KMT2D: variants seen among roughly 807,000 people sequenced by gnomAD.
The protein encoded by KMT2D is histone-lysine N-methyltransferase 2D.
KMT2D carries 55 observed loss-of-function variants against 512.7 expected under a neutral mutation model. The observed-to-expected ratio is 0.11, with a 90% CI of 0.09 to 0.13. The LOEUF (loss-of-function observed/expected upper bound fraction) is 0.13. Among genes scored for constraint, KMT2D ranks in the 10% least tolerant of loss-of-function variants. KMT2D has a pLI of 1.00. For synonymous variants in KMT2D, 2,995 were observed against 2,904.0 expected (o/e 1.03, Z -1.01); for missense variants, 6,061 against 7,127.9 (o/e 0.85, Z 5.39).
chr12:49,033,738 C>T lies in KMT2D; in HGVS notation c.10967G>A (p.Arg3656His), dbSNP rs1232636989. 8 of 1,613,290 alleles carry T rather than the reference C, an allele frequency of 5.0e-6. No homozygotes were observed. Among genetic ancestry groups the T allele is most frequent in the East Asian group, 4.5e-5 (2 of 44,864 alleles). Residue 3656 changes from arginine (R) to histidine (H), a missense_variant, in exon 40 of 55, where the codon CGC (arginine) becomes CAC (histidine). Physicochemically the swap from Arg to His is conservative, Grantham distance 29. Transcript: ENST00000301067. ...TAGTGCCATACCCCCAGGGGTCAGG[C>T]GAAGACCTCCGGCTTGCCCACCCGG... Reference protein sequence around the residue: ...GPPGGQAGGLRLTPGGMALPG... With the variant: ...GPPGGQAGGLHLTPGGMALPG...
At position 49,028,079 on chromosome 12, in the gene KMT2D, A is replaced by G; in HGVS notation, c.14445T>C (p.Tyr4815=). The G allele has an allele frequency of 1.2e-6, 2 of 1,613,822 alleles. No homozygotes were observed. Among genetic ancestry groups the G allele is most frequent in the Non-Finnish European group, 1.7e-6 (2 of 1,179,834 alleles). Residue 4815 remains tyrosine, a synonymous_variant, in exon 47 of 55, where the codon TAT becomes TAC. Coordinates refer to ENST00000301067, the MANE Select transcript of KMT2D (RefSeq NM_003482.4). The stretch of plus-strand genomic sequence containing the variant: ...CGGGGCTCTCTGGGAACAGCACCTC[A>G]TAGGAGTTGGGGATCTTCATGCTCA... The part of the protein sequence containing the change: ...ELLSMKIPNS[Y]EVLFPESPAR...
chr12:49,040,236 T>C lies in KMT2D; in HGVS notation c.7534A>G (p.Ser2512Gly), dbSNP rs2120524828. 1 of 1,612,880 alleles carries C rather than the reference T, an allele frequency of 6.2e-7. No individual in the cohort carries two copies. Among genetic ancestry groups the C allele is most frequent in the Non-Finnish European group, 8.5e-7 (1 of 1,179,540 alleles). Reference protein sequence around the residue: ...PAGELHAKVPSGQPPNFVRSP... With the variant: ...PAGELHAKVPGGQPPNFVRSP... ...CGGACAAAATTGGGGGGCTGCCCACTTGGGACCTTGGCATGGAGCTCACCT... is the reference window on the plus strand; with the variant it reads ...CGGACAAAATTGGGGGGCTGCCCACCTGGGACCTTGGCATGGAGCTCACCT... Residue 2512 changes from serine (S) to glycine (G), a missense_variant, in exon 32 of 55, where the codon AGT becomes GGT. By Grantham distance (56) the Ser-to-Gly change is moderately conservative. Around this residue, in one of 16 missense-constraint regions of KMT2D, gnomAD observed 710 missense variants for 647.3 expected, o/e 1.10. Coordinates refer to ENST00000301067, the MANE Select transcript of KMT2D (RefSeq NM_003482.4).
Position 49,040,780 on chromosome 12 carries a change from G to C in KMT2D, c.6990C>G (p.Pro2330=), listed in dbSNP as rs533716096. 4 of 1,613,526 alleles carry C rather than the reference G, an allele frequency of 2.5e-6. No homozygotes were observed. The highest frequency in any genetic ancestry group is 3.4e-6 in the Non-Finnish European group (4 of 1,179,746). Residue 2330 remains proline (P), a synonymous_variant, in exon 32 of 55, where the codon CCC becomes CCG. Coordinates refer to ENST00000301067, the MANE Select transcript of KMT2D (RefSeq NM_003482.4). Reference sequence around the variant, plus strand: ...CTACCTGAGATGCCCGAGGGGTCAGGGGGGCTTTGAAGACATCAGGTGTCT... The same window carrying C: ...CTACCTGAGATGCCCGAGGGGTCAGCGGGGCTTTGAAGACATCAGGTGTCT... The part of the protein sequence containing the change: ...ELKTPDVFKA[P]LTPRASQVEP...
chr12:49,040,208 G>A lies in KMT2D; in HGVS notation c.7562C>T (p.Ser2521Phe), dbSNP rs1943439812. Residue 2521 changes from serine to phenylalanine, a missense_variant, in exon 32 of 55, where the codon TCC (serine) becomes TTC (phenylalanine). This residue lies in a region of KMT2D where 710 missense variants were observed against 647.3 expected (regional missense o/e 1.10). Coordinates refer to ENST00000301067, the MANE Select transcript of KMT2D (RefSeq NM_003482.4). ...PSGQPPNFVR[S>F]PGTGAFVGTP... The stretch of plus-strand genomic sequence containing the variant: ...GCCCACAAATGCACCCGTCCCAGGG[G>A]ACCGGACAAAATTGGGGGGCTGCCC... 1 of 1,613,392 alleles carries A rather than the reference G, an allele frequency of 6.2e-7. No individual in the cohort carries two copies. Among genetic ancestry groups the A allele is most frequent in the Non-Finnish European group, 8.5e-7 (1 of 1,179,684 alleles).
Position 49,040,917 on chromosome 12 carries a change from G to T in KMT2D, c.6853C>A (p.Leu2285Ile). The change falls in exon 32 of 55, where the codon CTA (leucine) becomes ATA (isoleucine). Residue 2285 changes from leucine (L) to isoleucine (I), a missense_variant. This residue lies in a region of KMT2D where 710 missense variants were observed against 647.3 expected (regional missense o/e 1.10). Transcript: ENST00000301067. ...CCAAGCTCTTCCTTCTTCACCTCTA[G>T]GGCCTTCCGGGACTCCCCAAAAGGT... is the stretch of plus-strand genomic sequence containing the variant. ...PPPFGESRKA[L>I]EVKKEELGAS... 6.2e-7 allele frequency: 1 copy of T among 1,613,816 alleles called. No individual in the cohort carries two copies. The highest frequency in any genetic ancestry group is 1.1e-5 in the South Asian group (1 of 91,088).
In KMT2D at chr12:49,032,006, C is replaced by G. The variant is rs772782391; in HGVS notation, c.12699G>C (p.Gln4233His). Reference protein sequence around the residue: ...QALLMQRQLQQSQAVRQTPPY... With the variant: ...QALLMQRQLQHSQAVRQTPPY... ...GTGGGGTCTGGCGTACTGCCTGACT[C>G]TGCTGCAGCTGCCGCTGCATGAGGA... The change falls in exon 40 of 55, where the codon CAG becomes CAC. Residue 4233 changes from glutamine to histidine, a missense_variant. By Grantham distance (24) the Gln-to-His change is conservative. Transcript: ENST00000301067. 1.9e-6 allele frequency: 3 copies of G among 1,605,566 alleles called. No homozygotes were observed. In the Admixed American group the frequency reaches 5.0e-5, roughly 27 times the overall value.
intron 2 of KMT2D, 37 bp from the exon 3 acceptor site, chr12:49,055,063 T>C (rs200432853): frequency 1.2e-6 from 2 of 1,610,344 alleles, no homozygotes; most frequent in African/African-American, 2.7e-5. Context: ...TCAGCCATCA[T>C]CCCTATTTAA....
chr12:49,057,364 G>A (rs1275101352), intron 1 of KMT2D, among the ~76,000 whole-genome samples: 2 of 152,234 alleles, frequency 1.3e-5, no homozygotes, highest in African/African-American at 4.8e-5. Flanking sequence ...TGATAATACA[G>A]TGGGTAGGAG....
chr12:49,041,141 G>A lies in KMT2D; in HGVS notation c.6629C>T (p.Pro2210Leu), dbSNP rs201190869. 2.1e-3 allele frequency: 3,155 copies of A among 1,525,190 alleles called. 11 individuals are homozygous for A. Among genetic ancestry groups the A allele is most frequent in the Non-Finnish European group, 2.0e-3 (2,283 of 1,140,162 alleles). The allele number at this position is 1,525,190 out of a possible 1,614,324, so 94.5% of individuals were successfully genotyped here. ...AGGACGAGATGAGGCGCCCAGCATC[G>A]GGGGCTGCGCAGGGGCCCCCGTAGG... ...PSPTGAPAQP[P>L]MLGASSRPGA... The change falls in exon 32 of 55, where the codon CCG becomes CTG. Residue 2210 changes from proline (P) to leucine (L), a missense_variant. Pro to Leu is a moderately conservative substitution (Grantham distance 98, BLOSUM62 -3). This residue lies in a region of KMT2D where 710 missense variants were observed against 647.3 expected (regional missense o/e 1.10). Coordinates refer to ENST00000301067, the MANE Select transcript of KMT2D (RefSeq NM_003482.4). The surrounding 1 kb of genome is among the most constrained non-coding windows in gnomAD (Gnocchi z 5.4).
chr12:49,026,296 G>T lies in KMT2D; in HGVS notation c.15670C>A (p.Arg5224Ser), dbSNP rs778198600. The T allele has an allele frequency of 1.9e-6, 3 of 1,611,976 alleles. No homozygotes were observed. Among genetic ancestry groups the T allele is most frequent in the Middle Eastern group, 1.7e-4 (1 of 6,058 alleles). Residue 5224 changes from arginine to serine, a missense_variant, in exon 49 of 55, where the codon CGT (arginine) becomes AGT (serine). By Grantham distance (110) the Arg-to-Ser change is moderately radical (BLOSUM62 -1). Coordinates refer to ENST00000301067, the MANE Select transcript of KMT2D (RefSeq NM_003482.4). The surrounding 1 kb of genome is among the most constrained non-coding windows in gnomAD (Gnocchi z 9.6). ...ATAGAACAGCGATAGCAGCAGCGAC[G>T]ATTGTTGGTGCGGAGGCTCCAATAG... is the stretch of plus-strand genomic sequence containing the variant. ...RIYWSLRTNN[R>S]RCCYRCSIGE...
At position 49,038,745 on chromosome 12, in the gene KMT2D, G is replaced by A. The variant is rs1393456444; in HGVS notation, c.8611C>T (p.Pro2871Ser). ...LPGPGEPVPGPAGPAQFIELR... is the reference protein window; with the variant it reads ...LPGPGEPVPGSAGPAQFIELR... ...TCAATGAACTGGGCAGGACCAGCTG[G>A]ACCAGGCACTGGCTCACCAGGGCCT... Residue 2871 changes from proline (P) to serine (S), a missense_variant, in exon 35 of 55, where the codon CCA becomes TCA. Around this residue, in one of 16 missense-constraint regions of KMT2D, gnomAD observed 527 missense variants for 578.9 expected, o/e 0.91. Coordinates refer to ENST00000301067, the MANE Select transcript of KMT2D (RefSeq NM_003482.4). The surrounding 1 kb of genome is among the most constrained non-coding windows in gnomAD (Gnocchi z 5.7). The A allele has an allele frequency of 1.2e-6, 2 of 1,607,100 alleles. No individual in the cohort carries two copies. Among genetic ancestry groups the A allele is most frequent in the Non-Finnish European group, 1.7e-6 (2 of 1,177,028 alleles).
Position 49,038,581 on chromosome 12 carries a change from C to T in KMT2D, c.8775G>A (p.Ala2925=), listed in dbSNP as rs200797750. 6.4e-5 allele frequency: 104 copies of T among 1,612,514 alleles called. 3 individuals are homozygous for T. The South Asian group carries it at 9.1e-4, about 14-fold the overall frequency. Residue 2925 remains alanine, a synonymous_variant, in exon 35 of 55, where the codon GCG becomes GCA. Coordinates refer to ENST00000301067, the MANE Select transcript of KMT2D (RefSeq NM_003482.4). This position sits in a 1 kb window ranked among gnomAD's most constrained non-coding sequence, Gnocchi z 5.7. ...RLAPEGLRGL[A]VSGLPPQKPS... is the part of the protein sequence containing the mutation. ...GTTTCTGTGGGGGAAGACCTGATAC[C>T]GCCAGGCCCCGAAGCCCTTCAGGAG...
rs558418271 is a variant in KMT2D, at chr12:49,060,600, C to T, written c.-1025G>A. 1.3e-5 allele frequency among the ~76,000 whole-genome samples: 2 copies of T among 152,208 alleles called. No homozygotes were observed. Among genetic ancestry groups the T allele is most frequent in the Admixed American group, 1.3e-4 (2 of 15,292 alleles). ...CAGCGCGGCGCCGCTCCGCCTCCCCCCCTCCGCCTCCTGTTCGGCCGGTAG... is the reference window on the plus strand; with the variant it reads ...CAGCGCGGCGCCGCTCCGCCTCCCCTCCTCCGCCTCCTGTTCGGCCGGTAG... On this transcript the variant is annotated 5_prime_UTR_variant, in exon 1 of 55. Coordinates refer to ENST00000301067, the MANE Select transcript of KMT2D (RefSeq NM_003482.4).
chr12:49,028,233 G>C (rs1942711044), intron 46 of KMT2D, 92 bp from the exon 47 acceptor site: 2 of 1,493,438 alleles, frequency 1.3e-6, no homozygotes, highest in South Asian at 1.2e-5. Context: ...AGGACACCTA[G>C]AACCCACTCC....
Position 49,049,698 on chromosome 12 carries a change from C to G in KMT2D, c.3890G>C (p.Arg1297Pro). ...EKGRRRSSPA[R>P]SRIKQGRSSS... ...GCCCCTCACCTGTTTGATGCGGGAA[C>G]GGGCTGGGGAGCTGCGCCGCCGCCC... Residue 1297 changes from arginine to proline, a missense_variant, in exon 12 of 55, where the codon CGT (arginine) becomes CCT (proline). Physicochemically the swap from Arg to Pro is moderately radical, Grantham distance 103. Coordinates refer to ENST00000301067, the MANE Select transcript of KMT2D (RefSeq NM_003482.4). The G allele has an allele frequency of 6.3e-7, 1 of 1,586,654 alleles. No homozygotes were observed. The highest frequency in any genetic ancestry group is 8.6e-7 in the Non-Finnish European group (1 of 1,161,140).
At chr12:49,045,844 G>A (rs2120594939) in intron 19 of KMT2D, 76 bp downstream of exon 19, 1 of 1,217,882 alleles carries the variant, frequency 8.2e-7, no homozygotes, top group African/African-American at 1.5e-5. Flanking sequence ...AGGAGATGAA[G>A]CTAGGGGGTT....
intron 35 of KMT2D, among the ~76,000 whole-genome samples, chr12:49,035,327 C>T (rs530002076): frequency 3.0e-4 from 45 of 152,306 alleles, no homozygotes; most frequent in South Asian, 1.9e-3. Context: ...AGGTAATGTT[C>T]TTAGTCCAAC....
intron 14 of KMT2D, 54 bp downstream of exon 14, chr12:49,048,605 C>T (rs2120623606): frequency 1.6e-6 from 2 of 1,217,054 alleles, no homozygotes; most frequent in Non-Finnish European, 2.4e-6. Flanking sequence ...TCTATCCTCT[C>T]ACCAAACACA....
rs200245957 is a variant in KMT2D at position 49,053,017 on chromosome 12, G to C, written c.1010C>G (p.Ser337Trp). The change falls in exon 9 of 55, where the codon TCG (serine) becomes TGG (tryptophan). Residue 337 changes from serine (S) to tryptophan (W), a missense_variant. Transcript: ENST00000301067. ...GAGSAELNPN[S>W]EWFENYSLCH... ...GAGAGAGTAGTTCTCAAACCACTCC[G>C]AGTTGGGATTCAGTTCTGCTGAGCC... 5.6e-6 allele frequency: 9 copies of C among 1,613,916 alleles called. No individual in the cohort carries two copies. The highest frequency in any genetic ancestry group is 6.8e-6 in the Non-Finnish European group (8 of 1,179,886).
Sources: gnomAD v4.1 joint callset for allele counts (sites outside exome capture counted in the v4.1 genomes callset) on GRCh38, gnomAD v4.1.1 for gene constraint, gnomAD v4.1.1 regional missense constraint, Gnocchi (gnomAD v3.1) non-coding constraint, MANE v1.5 for transcripts, NCBI Gene and HGNC (gene_info 2026-07-23, HGNC 2026-07-21) for gene names.